SPOCK3: variants seen among roughly 807,000 people sequenced by gnomAD.
The protein encoded by SPOCK3 is testican-3.
A neutral mutation model predicts 56.6 loss-of-function variants in SPOCK3; 30 were observed. The ratio of observed to expected loss-of-function variants is 0.53; its 90% CI spans 0.40 to 0.72. The LOEUF (loss-of-function observed/expected upper bound fraction) is 0.72, where lower values mean the gene tolerates loss of function less well. Among genes scored for constraint, SPOCK3 ranks in the 30% least tolerant of loss-of-function variants. The probability of loss-of-function intolerance (pLI) is 0.00; values close to 1 mark genes in which losing one functional copy is unlikely to be tolerated. For synonymous variants in SPOCK3, 196 were observed against 183.3 expected (o/e 1.07, Z -0.56); for missense variants, 527 against 530.0 (o/e 0.99, Z 0.06).
intron 6 of SPOCK3, among the ~76,000 whole-genome samples, chr4:166,866,851 A>G (rs1731899886): frequency 6.6e-6 from 1 of 152,094 alleles, no homozygotes; most frequent in African/African-American, 2.4e-5. Context: ...TTATTACCTC[A>G]TCAACTCCAT....
intron 6 of SPOCK3, among the ~76,000 whole-genome samples, chr4:166,834,050 G>C (rs761288295): frequency 2.6e-5 from 4 of 152,234 alleles, no homozygotes; most frequent in Non-Finnish European, 4.4e-5. Flanking sequence ...TCCTCCCCAA[G>C]AATCAAGAGT....
At chr4:167,108,921 CAAAT>C (rs1295635391) in intron 2 of SPOCK3, among the ~76,000 whole-genome samples, 6 of 126,334 alleles carry the variant, frequency 4.7e-5, no homozygotes, top group Non-Finnish European at 7.9e-5. Flanking sequence ...ATATACCGCA[CAAAT>C]ATATATATTT....
intron 2 of SPOCK3, among the ~76,000 whole-genome samples, chr4:167,214,268 A>G (rs1735151361): frequency 6.6e-6 from 1 of 152,160 alleles, no homozygotes; most frequent in South Asian, 2.1e-4. Flanking sequence ...AGTTTAAAGA[A>G]TAAAATACCT....
intron 2 of SPOCK3, among the ~76,000 whole-genome samples, chr4:167,105,252 A>G (rs576812281): frequency 2.0e-5 from 3 of 151,990 alleles, no homozygotes; most frequent in Non-Finnish European, 2.9e-5. Context: ...CAAGACAGAG[A>G]AGGTACAATA....
In SPOCK3 at chr4:167,138,491, CT is replaced by C. The variant is rs200860383; in HGVS notation, c.190-75955del. On this transcript the variant is annotated intron_variant, in intron 2 of 10. Transcript: ENST00000357545. Reference sequence around the variant, plus strand: ...ATTAGATACAGGATTGCATTTCTCTCTTCTTCCAGCCTTGGAAGAAGGAAGA... The same window carrying C: ...ATTAGATACAGGATTGCATTTCTCTCTCTTCCAGCCTTGGAAGAAGGAAGA... Among the ~76,000 whole-genome samples, 596 of 152,024 alleles carry C rather than the reference CT, an allele frequency of 3.9e-3. 4 individuals carry two copies. The highest frequency in any genetic ancestry group is 0.014 in the African/African-American group (568 of 41,548).
At chr4:167,112,816 C>T (rs1340462191) in intron 2 of SPOCK3, among the ~76,000 whole-genome samples, 7 of 145,020 alleles carry the variant, frequency 4.8e-5, no homozygotes, top group Non-Finnish European at 7.5e-5. Context: ...AAAATATATG[C>T]TCCAAGGACT....
chr4:167,078,308 C>CTGTGTGTG lies in SPOCK3; in HGVS notation c.190-15779_190-15772dup, dbSNP rs3082377. On this transcript the variant is annotated intron_variant, in intron 2 of 10. Transcript: ENST00000357545. ...ACCTATGTGTATCCAGGTCATAACTCTGTGTGTGTGTGTGTGTGTGTGTGT... is the reference window on the plus strand; with the variant it reads ...ACCTATGTGTATCCAGGTCATAACTCTGTGTGTGTGTGTGTGTGTGTGTGTGTGTGTGT... Among the ~76,000 whole-genome samples, 156 of 105,108 alleles carry CTGTGTGTG rather than the reference C, an allele frequency of 1.5e-3. 4 individuals are homozygous for CTGTGTGTG. Among genetic ancestry groups the CTGTGTGTG allele is most frequent in the East Asian group, 3.5e-3 (11 of 3,116 alleles). The allele number at this position is 105,108 out of a possible 152,430, so 69.0% of individuals were successfully genotyped here.
intron 4 of SPOCK3, among the ~76,000 whole-genome samples, chr4:166,947,336 T>A (rs1741892726): frequency 6.6e-6 from 1 of 152,198 alleles, no homozygotes; most frequent in Non-Finnish European, 1.5e-5. Context: ...ACACAGATTT[T>A]CTAAACTTTT....
chr4:166,738,378 C>T (rs943684044), intron 9 of SPOCK3, among the ~76,000 whole-genome samples: 2 of 151,818 alleles, frequency 1.3e-5, no homozygotes, highest in East Asian at 3.9e-4. Context: ...AGAGGGAACA[C>T]AGTCTATTGG....
At chr4:166,995,333 G>C (rs981118115) in intron 4 of SPOCK3, among the ~76,000 whole-genome samples, 2 of 151,898 alleles carry the variant, frequency 1.3e-5, no homozygotes, top group Non-Finnish European at 2.9e-5. Context: ...TTTAAGAAGA[G>C]GAATCAAACA....
At chr4:167,028,406 A>ACAACAACAACAACAAC (rs35401736) in intron 3 of SPOCK3, among the ~76,000 whole-genome samples, 32 of 151,002 alleles carry the variant, frequency 2.1e-4, no homozygotes, top group African/African-American at 7.5e-4. Flanking sequence ...AACAACAACA[A>ACAACAACAACAACAAC]AAGAATAATC....
At chr4:166,828,665 G>A (rs1049259257) in intron 6 of SPOCK3, among the ~76,000 whole-genome samples, 2 of 151,886 alleles carry the variant, frequency 1.3e-5, no homozygotes, top group Admixed American at 1.3e-4. Context: ...TGATTGTTTT[G>A]CATTGTGAAA....
chr4:166,765,698 A>G (rs1737927303), intron 7 of SPOCK3, among the ~76,000 whole-genome samples: 1 of 152,178 alleles, frequency 6.6e-6, no homozygotes, highest in Admixed American at 6.5e-5. Context: ...ATGAACTTTA[A>G]AGTAGTTTTT....
chr4:166,923,904 T>C (rs1167291180), intron 4 of SPOCK3, among the ~76,000 whole-genome samples: 1 of 152,204 alleles, frequency 6.6e-6, no homozygotes, highest in Non-Finnish European at 1.5e-5. Context: ...ATGGCAGGCA[T>C]ATCAACATCC....
chr4:167,138,539 A>G (rs1370359856), intron 2 of SPOCK3, among the ~76,000 whole-genome samples: 1 of 152,024 alleles, frequency 6.6e-6, no homozygotes, highest in East Asian at 1.9e-4. Flanking sequence ...TTCATAGCCT[A>G]GAATTACTCT....
chr4:166,748,239 T>C (rs2126452001), intron 8 of SPOCK3, among the ~76,000 whole-genome samples: 1 of 137,280 alleles, frequency 7.3e-6, no homozygotes, highest in East Asian at 2.0e-4. Flanking sequence ...CAAACTATAC[T>C]ACAAGGCTAT....
Position 166,898,877 on chromosome 4 carries a change from A to T in SPOCK3, c.475-9633T>A, listed in dbSNP as rs540365079. 2.6e-5 allele frequency among the ~76,000 whole-genome samples: 4 copies of T among 152,312 alleles called. No homozygotes were observed. The East Asian group carries it at 7.7e-4, about 29-fold the overall frequency. ...AACATTATTTCTGGGCATGACTATG[A>T]GGATGTTTCCAGAAGGGATGAGCAT... On this transcript the variant is annotated intron_variant, in intron 5 of 10. Transcript: ENST00000357545.
intron 3 of SPOCK3, among the ~76,000 whole-genome samples, chr4:167,057,136 A>G (rs1237805489): frequency 6.6e-6 from 1 of 152,226 alleles, no homozygotes; most frequent in Non-Finnish European, 1.5e-5. Context: ...AATATTCAAC[A>G]TTCTTAAAGA....
intron 2 of SPOCK3, among the ~76,000 whole-genome samples, chr4:167,131,276 C>T (rs563468984): frequency 1.3e-5 from 2 of 152,084 alleles, no homozygotes; most frequent in Non-Finnish European, 2.9e-5. Flanking sequence ...ATAAAATGTG[C>T]TACACTATGA....
Sources: gnomAD v4.1 joint callset for allele counts (sites outside exome capture counted in the v4.1 genomes callset) on GRCh38, gnomAD v4.1.1 for gene constraint, MANE v1.5 for transcripts, NCBI Gene and HGNC (gene_info 2026-07-23, HGNC 2026-07-21) for gene names.